The following C5 variants were observed in gnomAD, a reference collection of about 807,000 sequenced individuals.
The protein encoded by C5 is complement C5.
Under a neutral mutation model 218.8 loss-of-function variants are expected in C5, and 140 were observed. The ratio of observed to expected loss-of-function variants is 0.64; its 90% confidence interval spans 0.56 to 0.74. C5 has a LOEUF of 0.74. C5 is among the 30% of genes least tolerant of loss of function. The pLI is 0.00. For synonymous variants in C5, 614 were observed against 682.3 expected, an observed-to-expected ratio of 0.90 and a Z score of 1.56; for missense variants, 1,700 against 1,969.6, an observed-to-expected ratio of 0.86 and a Z score of 2.59.
At chr9:120,954,461 C>T (rs1224328965) in intron 39 of C5, among the ~76,000 whole-genome samples, 1 of 152,190 alleles carries the variant, frequency 6.6e-6, no homozygotes, top group African/African-American at 2.4e-5. Context: ...CCCATGTTGG[C>T]CTCTTGAATT....
At chr9:121,057,552 A>G in the C5 span, among the ~76,000 whole-genome samples, 1 of 152,164 alleles carries the variant, frequency 6.6e-6, no homozygotes, top group Non-Finnish European at 1.5e-5. Context: ...TTAAGTTGTT[A>G]TAAGTCTAAA....
intron 17 of C5, among the ~76,000 whole-genome samples, chr9:121,009,833 C>A (rs1587976640): frequency 1.3e-5 from 2 of 152,342 alleles, no homozygotes; most frequent in East Asian, 3.9e-4. Context: ...CATGGAGAAT[C>A]TCTGTGTTGG....
chr9:120,962,848 T>TTATATA, intron 35 of C5, 45 bp downstream of exon 35: 1 of 1,603,790 alleles, frequency 6.2e-7, no homozygotes, highest in Non-Finnish European at 8.5e-7. Context: ...CCTGTATATT[T>TTATATA]TGAATAGTAA....
Position 120,989,557 on chromosome 9 carries a change from T to G in C5, c.3154+11A>C. On this transcript the variant is annotated intron_variant, in intron 24 of 40. Coordinates refer to ENST00000223642, the MANE Select transcript of C5 (RefSeq NM_001735.3). Reference sequence around the variant, plus strand: ...CACCCAATTTTTATGTGAAATACTTTTTTTTTTTACCTTCTTTTAATTTTT... The same window carrying G: ...CACCCAATTTTTATGTGAAATACTTGTTTTTTTTACCTTCTTTTAATTTTT... 2 of 1,547,646 alleles carry G rather than the reference T, an allele frequency of 1.3e-6. No individual in the cohort carries two copies. Among genetic ancestry groups the G allele is most frequent in the African/African-American group, 2.7e-5 (2 of 72,982 alleles).
At chr9:120,980,294 A>G (rs746809794) in intron 27 of C5, 40 bp from the exon 28 acceptor site, 1 of 1,571,306 alleles carries the variant, frequency 6.4e-7, no homozygotes, top group Non-Finnish European at 8.8e-7. Flanking sequence ...TATGTCAAGC[A>G]ACCACCTATC....
At chr9:121,044,203 A>C (rs2047605410) in intron 2 of C5, among the ~76,000 whole-genome samples, 1 of 152,162 alleles carries the variant, frequency 6.6e-6, no homozygotes, top group South Asian at 2.1e-4. Context: ...GGCTGGGCAC[A>C]GTAACCTATG....
chr9:121,068,991 T>C, the C5 span, among the ~76,000 whole-genome samples: 1 of 152,152 alleles, frequency 6.6e-6, no homozygotes, highest in African/African-American at 2.4e-5. Flanking sequence ...CGTGAGTTTA[T>C]ATATAAATCA....
intron 20 of C5, among the ~76,000 whole-genome samples, chr9:121,002,723 C>T (rs1045084799): frequency 6.6e-6 from 1 of 152,088 alleles, no homozygotes; most frequent in Admixed American, 6.6e-5. Context: ...GTATCTCTAT[C>T]TGAGTTATGA....
rs142569129 is a variant in C5 at position 120,976,827 on chromosome 9, C to A, written c.3737G>T (p.Arg1246Leu). ...DSSVPNTGTA[R>L]MVETTAYALL... ...AGCATAGGCAGTTGTTTCTACCATA[C>A]GTGCCGTACCAGTGTTAGGTACAGA... Residue 1246 changes from arginine (R) to leucine (L), a missense_variant, in exon 29 of 41, where the codon CGT becomes CTT. Coordinates refer to ENST00000223642, the MANE Select transcript of C5 (RefSeq NM_001735.3). 6.2e-7 allele frequency: 1 copy of A among 1,614,052 alleles called. No individual in the cohort carries two copies. Among genetic ancestry groups the A allele is most frequent in the Non-Finnish European group, 8.5e-7 (1 of 1,179,944 alleles).
intron 5 of C5, among the ~76,000 whole-genome samples, chr9:121,034,163 AC>A (rs1263739852): frequency 1.3e-5 from 2 of 152,130 alleles, no homozygotes; most frequent in Non-Finnish European, 2.9e-5. Context: ...CAGGTGATCC[AC>A]CGACATTGGC....
intron 3 of C5, among the ~76,000 whole-genome samples, chr9:121,038,440 T>C (rs2047549099): frequency 1.3e-5 from 2 of 152,220 alleles, no homozygotes; most frequent in Admixed American, 6.5e-5. Context: ...AAATTAGCTC[T>C]TATTGCAAAA....
intron 12 of C5, among the ~76,000 whole-genome samples, chr9:121,018,609 G>A (rs1375201584): frequency 1.1e-4 from 10 of 90,882 alleles, no homozygotes; most frequent in African/African-American, 1.4e-4. Flanking sequence ...AAGGAAGGAA[G>A]GAAGGAAGGC....
At chr9:121,015,490 A>T (rs1201988973) in intron 15 of C5, among the ~76,000 whole-genome samples, 1 of 152,014 alleles carries the variant, frequency 6.6e-6, no homozygotes, top group East Asian at 1.9e-4. Context: ...ATTTTATCTG[A>T]ATTTGGTTTT....
At chr9:121,014,571 AAT>A (rs1020059928) in intron 16 of C5, among the ~76,000 whole-genome samples, 2 of 152,164 alleles carry the variant, frequency 1.3e-5, no homozygotes, top group Non-Finnish European at 2.9e-5. Context: ...CAGATTAGTC[AAT>A]GTCTCTCTTT....
At chr9:120,979,434 T>C in intron 28 of C5, 1 of 152,426 alleles carries the variant, frequency 6.6e-6, no homozygotes, top group East Asian at 1.9e-4. Flanking sequence ...TTATTTATCA[T>C]GTTTGTGTCT....
chr9:120,982,580 T>A (rs952866700), intron 26 of C5, 75 bp downstream of exon 26: 2 of 1,169,230 alleles, frequency 1.7e-6, no homozygotes, highest in African/African-American at 3.1e-5. Flanking sequence ...TTCTTCTTCA[T>A]CCTCCCATAA....
chr9:121,028,707 G>A (rs368284716), intron 7 of C5, among the ~76,000 whole-genome samples: 6 of 152,228 alleles, frequency 3.9e-5, no homozygotes, highest in African/African-American at 1.4e-4. Flanking sequence ...GGTGGGGGAC[G>A]GGGAGGGATA....
In C5 at chr9:121,043,000, C is replaced by A. The variant is rs1310834885; in HGVS notation, c.421+4G>T. 7.5e-6 allele frequency: 12 copies of A among 1,609,160 alleles called. No individual in the cohort carries two copies. Among genetic ancestry groups the A allele is most frequent in the Non-Finnish European group, 1.0e-5 (12 of 1,175,822 alleles). On this transcript the variant is annotated splice_donor_region_variant and intron_variant, in intron 3 of 40. Transcript: ENST00000223642. ...CCCAGAGGAAGAAATATCTTATAAT[C>A]TACCTGACTGGTCTGGAGTATAAAC...
At chr9:120,958,845 G>A in intron 38 of C5, among the ~76,000 whole-genome samples, 1 of 152,010 alleles carries the variant, frequency 6.6e-6, no homozygotes, top group Non-Finnish European at 1.5e-5. Flanking sequence ...CACTCAGGCT[G>A]GAGTGCAATG....
Sources: allele counts gnomAD v4.1 joint callset (sites outside exome capture counted in the v4.1 genomes callset), GRCh38; gene constraint gnomAD v4.1.1; transcripts MANE v1.5; gene names NCBI Gene and HGNC (gene_info 2026-07-23, HGNC 2026-07-21).